The following KIDINS220 variants were observed in gnomAD, a reference collection of about 807,000 sequenced individuals.
KIDINS220 encodes the protein kinase D interacting substrate 220.
In KIDINS220, 63 loss-of-function variants were observed where a neutral mutation model predicts 157.6. The observed-to-expected ratio is 0.40, with a 90% confidence interval of 0.33 to 0.49. KIDINS220 has a LOEUF of 0.49. KIDINS220 is among the 20% of genes least tolerant of loss of function. The probability of loss-of-function intolerance (pLI) is 0.66; values close to 1 mark genes in which losing one functional copy is unlikely to be tolerated. For synonymous variants in KIDINS220, 732 were observed against 783.6 expected, an observed-to-expected ratio of 0.93 and a Z score of 1.10; for missense variants, 1,772 against 2,171.2, an observed-to-expected ratio of 0.82 and a Z score of 3.65.
chr2:8,733,388 G>A (rs1664412057), intron 29 of KIDINS220, 56 bp downstream of exon 29: 7 of 1,396,182 alleles, frequency 5.0e-6, no homozygotes, highest in Non-Finnish European at 7.0e-6. Context: ...TAATCTCAGT[G>A]AACTGAACGG....
intron 7 of KIDINS220, among the ~76,000 whole-genome samples, chr2:8,804,178 G>C (rs1196010008): frequency 2.0e-5 from 3 of 152,192 alleles, no homozygotes; most frequent in Admixed American, 6.5e-5. Flanking sequence ...CGCCTTGAAG[G>C]TTTGCAATGA....
At chr2:8,733,726 T>C (rs1664471152) in intron 28 of KIDINS220, 46 bp from the exon 29 acceptor site, 1 of 1,203,364 alleles carries the variant, frequency 8.3e-7, no homozygotes, top group East Asian at 2.5e-5. Context: ...AAATCATATT[T>C]TAGAAGCTTT....
chr2:8,747,971 T>TGGCGTGTA lies in KIDINS220; in HGVS notation c.3436_3443dup (p.Arg1149ThrfsTer19), dbSNP rs1311041431. The TGGCGTGTA allele has an allele frequency of 6.3e-7, 1 of 1,596,802 alleles. No homozygotes were observed. The highest frequency in any genetic ancestry group is 2.3e-5 in the East Asian group (1 of 43,598). On this transcript the variant is annotated frameshift_variant, in exon 25 of 30. Transcript: ENST00000256707. LOFTEE classifies it high-confidence loss of function. ...GTTGGGAGCCGCCAGGGTAATACCT[T>TGGCGTGTA]GGCGTGTAAAGGTATGGGGCAAAGA... is the stretch of plus-strand genomic sequence containing the variant.
chr2:8,814,728 T>C (rs568573368), intron 4 of KIDINS220, among the ~76,000 whole-genome samples: 36 of 152,296 alleles, frequency 2.4e-4, no homozygotes, highest in African/African-American at 8.7e-4. Flanking sequence ...CCCAAATATT[T>C]AGTAATTACA....
chr2:8,813,462 T>C (rs998272987), intron 4 of KIDINS220, 127 bp from the exon 5 acceptor site: 7 of 624,234 alleles, frequency 1.1e-5, no homozygotes, highest in Admixed American at 1.0e-4. Flanking sequence ...TAGTATTATA[T>C]AGTTCTAAAT....
chr2:8,825,712 T>C (rs976467901), intron 2 of KIDINS220: 4 of 152,212 alleles, frequency 2.6e-5, no homozygotes, highest in Non-Finnish European at 5.9e-5. Flanking sequence ...TCCTTAAGTT[T>C]TGTAAAACAA....
At chr2:8,722,798 G>A (rs1663036124), downstream of KIDINS220, 1 of 152,152 alleles carries the variant, frequency 6.6e-6, no homozygotes, top group Admixed American at 6.5e-5. Flanking sequence ...GTTTGAGAAT[G>A]TAGTGAGCTA....
At chr2:8,769,651 G>A (rs1189868044) in intron 22 of KIDINS220, among the ~76,000 whole-genome samples, 1 of 152,082 alleles carries the variant, frequency 6.6e-6, no homozygotes, top group African/African-American at 2.4e-5. Context: ...CTTAGCAAAC[G>A]TTCATAATTA....
At chr2:8,758,093 C>T (rs1385723876) in intron 22 of KIDINS220, among the ~76,000 whole-genome samples, 1 of 152,174 alleles carries the variant, frequency 6.6e-6, no homozygotes, top group African/African-American at 2.4e-5. Flanking sequence ...GAACTCCTGA[C>T]CTCAGGTGAT....
At chr2:8,775,741 G>A (rs1380956617) in intron 21 of KIDINS220, among the ~76,000 whole-genome samples, 1 of 152,202 alleles carries the variant, frequency 6.6e-6, no homozygotes, top group Non-Finnish European at 1.5e-5. Flanking sequence ...TAGAGGCAGA[G>A]GTACAGTCAA....
intron 2 of KIDINS220, among the ~76,000 whole-genome samples, chr2:8,825,372 CAAAA>C (rs369409976): frequency 9.2e-6 from 1 of 108,666 alleles, no homozygotes; most frequent in Non-Finnish European, 1.8e-5. Context: ...GACTCCGTCT[CAAAA>C]AAAAAAAAGA....
Position 8,751,588 on chromosome 2 carries a change from C to G in KIDINS220, c.3068G>C (p.Gly1023Ala). ...AAACACTTCAAAATTTCTTATATCT[C>G]CATCAATTTCAAGAAGTGGCTCAAC... Reference protein sequence around the residue: ...KDVEPLLEIDGDIRNFEVFLS... With the variant: ...KDVEPLLEIDADIRNFEVFLS... Residue 1023 changes from glycine (G) to alanine (A), a missense_variant, in exon 23 of 30, where the codon GGA becomes GCA. By Grantham distance (60) the Gly-to-Ala change is moderately conservative (BLOSUM62 0). Coordinates refer to ENST00000256707, the MANE Select transcript of KIDINS220 (RefSeq NM_020738.4). The G allele has an allele frequency of 6.2e-7, 1 of 1,611,050 alleles. No individual in the cohort carries two copies. Among genetic ancestry groups the G allele is most frequent in the African/African-American group, 1.3e-5 (1 of 74,914 alleles).
rs151183900 is a variant in KIDINS220, at chr2:8,781,486, A to C, written c.2230-1672T>G. On this transcript the variant is annotated intron_variant, in intron 17 of 29. Transcript: ENST00000256707. ...GAATACACATTCTTTTCAAACTCAC[A>C]TAAAGCATTCACCAAGATGGACCAC... 2.6e-3 allele frequency among the ~76,000 whole-genome samples: 397 copies of C among 152,248 alleles called. 2 individuals are homozygous for C. Among genetic ancestry groups the C allele is most frequent in the Middle Eastern group, 0.01 (3 of 294 alleles).
At chr2:8,785,335 T>C (rs758307896) in intron 17 of KIDINS220, among the ~76,000 whole-genome samples, 1 of 152,170 alleles carries the variant, frequency 6.6e-6, no homozygotes, top group Admixed American at 6.5e-5. Flanking sequence ...AAGACTATAA[T>C]GGTGGATACA....
chr2:8,832,766 GC>G (rs1679835893), intron 1 of KIDINS220, among the ~76,000 whole-genome samples: 1 of 152,090 alleles, frequency 6.6e-6, no homozygotes, highest in South Asian at 2.1e-4. Flanking sequence ...ACTTCCAAAA[GC>G]CCTTTCGGCT....
chr2:8,753,804 G>T (rs1190718132), intron 22 of KIDINS220, among the ~76,000 whole-genome samples: 1 of 152,118 alleles, frequency 6.6e-6, no homozygotes, highest in Non-Finnish European at 1.5e-5. Context: ...TCATCTAAGG[G>T]AAAAACCCAG....
chr2:8,780,696 T>C (rs1026850629), intron 17 of KIDINS220, among the ~76,000 whole-genome samples: 1 of 152,078 alleles, frequency 6.6e-6, no homozygotes, highest in Non-Finnish European at 1.5e-5. Context: ...GATATAGTAT[T>C]ACTTGAAAGT....
chr2:8,798,379 C>A (rs1443845608), intron 9 of KIDINS220, 79 bp from the exon 10 acceptor site: 7 of 797,554 alleles, frequency 8.8e-6, no homozygotes, highest in Non-Finnish European at 8.5e-6. Context: ...CAAAACATTT[C>A]TGTCAGAAAG....
In KIDINS220 at chr2:8,806,277, T is replaced by C. The variant is rs765354620; in HGVS notation, c.597A>G (p.Glu199=). The change falls in exon 7 of 30, where the codon GAA becomes GAG. Residue 199 remains glutamate (E), a synonymous_variant. Coordinates refer to ENST00000256707, the MANE Select transcript of KIDINS220 (RefSeq NM_020738.4). ...TAAAATATAAGATACTTACAGCTCC[T>C]TCTTGATCCACATCAGCTCCCATGG... ...LLAMGADVDQ[E]GANSMTALIV... 7 of 1,600,614 alleles carry C rather than the reference T, an allele frequency of 4.4e-6. No individual in the cohort carries two copies. The highest frequency in any genetic ancestry group is 4.0e-5 in the African/African-American group (3 of 74,472).
Sources: allele counts gnomAD v4.1 joint callset (sites outside exome capture counted in the v4.1 genomes callset), GRCh38; gene constraint gnomAD v4.1.1; transcripts MANE v1.5; gene names NCBI Gene and HGNC (gene_info 2026-07-23, HGNC 2026-07-21).